The following TENT2 variants were observed in gnomAD, a reference collection of about 807,000 sequenced individuals.
TENT2 encodes poly(A) RNA polymerase GLD2.
Under a neutral mutation model 72.2 loss-of-function variants are expected in TENT2, and 44 were observed. The ratio of observed to expected loss-of-function variants is 0.61; its 90% confidence interval spans 0.48 to 0.78. The LOEUF (loss-of-function observed/expected upper bound fraction) is 0.78, where lower values mean the gene tolerates loss of function less well. TENT2 is among the 30% of genes least tolerant of loss of function. The probability of loss-of-function intolerance (pLI) is 0.00; values close to 1 mark genes in which losing one functional copy is unlikely to be tolerated. For missense variants in TENT2, 541 were observed against 569.6 expected, an observed-to-expected ratio of 0.95 and a Z score of 0.51; for synonymous variants, 212 against 192.5, an observed-to-expected ratio of 1.10 and a Z score of -0.84.
intron 4 of TENT2, among the ~76,000 whole-genome samples, chr5:79,626,663 T>C (rs1770279533): frequency 1.3e-5 from 2 of 149,772 alleles, no homozygotes; most frequent in Non-Finnish European, 3.0e-5. Context: ...GGTCTTGCTA[T>C]GTTACCCAGG....
intron 12 of TENT2, among the ~76,000 whole-genome samples, chr5:79,675,802 T>G (rs1313626088): frequency 1.3e-5 from 2 of 152,146 alleles, no homozygotes; most frequent in African/African-American, 4.8e-5. Context: ...GGTGACAGTT[T>G]CCAATAGCTG....
intron 11 of TENT2, among the ~76,000 whole-genome samples, chr5:79,657,454 C>G (rs972141067): frequency 2.0e-5 from 3 of 152,050 alleles, no homozygotes; most frequent in African/African-American, 7.2e-5. Flanking sequence ...TTTGATCTTG[C>G]TAAGTAATAC....
intron 11 of TENT2, among the ~76,000 whole-genome samples, chr5:79,661,969 A>G (rs1326911249): frequency 6.6e-6 from 1 of 152,180 alleles, no homozygotes; most frequent in Non-Finnish European, 1.5e-5. Context: ...CTTTGTTTAT[A>G]CACTTAGAAA....
rs1826494900 is a variant in TENT2, at chr5:79,687,759, T to G, written c.*2486T>G. Among the ~76,000 whole-genome samples the G allele has an allele frequency of 6.6e-6, 1 of 152,218 alleles. No individual in the cohort carries two copies. On this transcript the variant is annotated 3_prime_UTR_variant, in exon 15 of 15. Coordinates refer to ENST00000453514, the MANE Select transcript of TENT2 (RefSeq NM_001114394.3). ...TTAAAGTGGTGTTTAAAATGTGCAA[T>G]CTGTACTACAATTCTAAATTTTGGA...
rs371278563 is a variant in TENT2 at position 79,684,335 on chromosome 5, G to A, written c.1381-864G>A. On this transcript the variant is annotated intron_variant, in intron 14 of 14. Transcript: ENST00000453514. ...GTCTTGCTCTGTTACCCAGACTCAG[G>A]CAGCCTCAATCTCCTGCGCTCAATG... is the stretch of plus-strand genomic sequence containing the variant. 3.9e-5 allele frequency among the ~76,000 whole-genome samples: 6 copies of A among 152,172 alleles called. No individual in the cohort carries two copies. In the South Asian group the frequency reaches 1.2e-3, roughly 32 times the overall value.
chr5:79,645,346 T>A (rs1357241554), intron 8 of TENT2, among the ~76,000 whole-genome samples, 154 bp downstream of exon 8: 1 of 152,204 alleles, frequency 6.6e-6, no homozygotes, highest in East Asian at 1.9e-4. Context: ...AATGGTTTTT[T>A]AAAATTGAGC....
chr5:79,675,688 G>A (rs988967898), intron 12 of TENT2, among the ~76,000 whole-genome samples: 22 of 152,204 alleles, frequency 1.4e-4, no homozygotes, highest in Admixed American at 1.0e-3. Flanking sequence ...GTGGGTAAGA[G>A]TTGAGAGTAT....
rs190787513 is a variant in TENT2 at position 79,621,030 on chromosome 5, A to T, written c.227+947A>T. 2.0e-5 allele frequency among the ~76,000 whole-genome samples: 3 copies of T among 152,328 alleles called. No homozygotes were observed. In the East Asian group the frequency reaches 5.8e-4, roughly 29 times the overall value. ...GCAATATTTGAAAGATACCACTATTACTTAAAAACCTATATAAACATTCTA... is the reference window on the plus strand; with the variant it reads ...GCAATATTTGAAAGATACCACTATTTCTTAAAAACCTATATAAACATTCTA... On this transcript the variant is annotated intron_variant, in intron 3 of 14. Transcript: ENST00000453514.
intron 5 of TENT2, 31 bp downstream of exon 5, chr5:79,640,996 G>A (rs1784011838): frequency 2.0e-6 from 3 of 1,525,916 alleles, no homozygotes; most frequent in Admixed American, 2.1e-5. Flanking sequence ...TGTCCTTTAG[G>A]TATATGCATT....
intron 4 of TENT2, among the ~76,000 whole-genome samples, chr5:79,631,706 C>G (rs1775698313): frequency 6.6e-6 from 1 of 152,068 alleles, no homozygotes. Context: ...GTGGGAGAAA[C>G]TCTGGTCACA....
intron 4 of TENT2, among the ~76,000 whole-genome samples, chr5:79,640,234 T>A (rs1783354835): frequency 6.9e-6 from 1 of 145,616 alleles, no homozygotes; most frequent in Admixed American, 7.0e-5. Flanking sequence ...CCAGCCTAGG[T>A]GACAGAGTAA....
chr5:79,679,757 A>G (rs999657062), intron 13 of TENT2, 87 bp downstream of exon 13: 2 of 705,742 alleles, frequency 2.8e-6, no homozygotes, highest in Non-Finnish European at 4.3e-6. Context: ...TAAAAGTAAT[A>G]CATTTATGTC....
At chr5:79,665,644 A>G (rs1806957625) in intron 11 of TENT2, among the ~76,000 whole-genome samples, 1 of 152,218 alleles carries the variant, frequency 6.6e-6, no homozygotes, top group Non-Finnish European at 1.5e-5. Flanking sequence ...AGGAGTTAAC[A>G]GGTTATACAT....
chr5:79,632,761 CTT>C (rs1009286844), intron 4 of TENT2, among the ~76,000 whole-genome samples: 1 of 152,060 alleles, frequency 6.6e-6, no homozygotes, highest in Non-Finnish European at 1.5e-5. Context: ...AGGACTCTGT[CTT>C]TTTAATTTAT....
intron 8 of TENT2, among the ~76,000 whole-genome samples, chr5:79,646,426 A>C (rs549269142): frequency 5.8e-4 from 89 of 152,328 alleles, no homozygotes; most frequent in African/African-American, 2.1e-3. Flanking sequence ...GAGCAATGGT[A>C]TAGTATTCAC....
chr5:79,638,599 G>T (rs1297411723), intron 4 of TENT2, among the ~76,000 whole-genome samples: 1 of 152,200 alleles, frequency 6.6e-6, no homozygotes. Flanking sequence ...AATTTGGTGA[G>T]TGAGGGGGAG....
intron 3 of TENT2, among the ~76,000 whole-genome samples, chr5:79,622,169 C>T (rs1454896464): frequency 2.0e-5 from 3 of 152,006 alleles, no homozygotes; most frequent in African/African-American, 2.4e-5. Context: ...AGCATCGTGG[C>T]GGGCGCCTGT....
At chr5:79,615,376 A>C (rs369070969) in intron 1 of TENT2, among the ~76,000 whole-genome samples, 108 of 152,314 alleles carry the variant, frequency 7.1e-4, no homozygotes, top group African/African-American at 2.5e-3. Flanking sequence ...TATAGGTATA[A>C]ACAAAAGTAT....
Position 79,648,616 on chromosome 5 carries a change from G to C in TENT2, c.822-1G>C. On this transcript the variant is annotated splice_acceptor_variant, in intron 8 of 14. Transcript: ENST00000453514. LOFTEE classifies it high-confidence loss of function. ...TTATTTATTTATTTTTTCTTAAATA[G>C]TTGTGTGGAGTTTGACTTGAATGTA... is the stretch of plus-strand genomic sequence containing the variant. The C allele has an allele frequency of 6.4e-7, 1 of 1,558,902 alleles. No homozygotes were observed. The highest frequency in any genetic ancestry group is 8.7e-7 in the Non-Finnish European group (1 of 1,146,168).
Sources: gnomAD v4.1 joint callset for allele counts (sites outside exome capture counted in the v4.1 genomes callset) on GRCh38, gnomAD v4.1.1 for gene constraint, MANE v1.5 for transcripts, NCBI Gene and HGNC (gene_info 2026-07-23, HGNC 2026-07-21) for gene names.